The following CCDC63 variants were observed in gnomAD, a reference collection of about 807,000 sequenced individuals.
CCDC63 encodes coiled-coil domain-containing protein 63.
In CCDC63, 54 loss-of-function variants were observed where a neutral mutation model predicts 63.6. The ratio of observed to expected loss-of-function variants is 0.85; its 90% CI spans 0.68 to 1.07. The LOEUF (loss-of-function observed/expected upper bound fraction) is 1.07, where lower values mean the gene tolerates loss of function less well. Among genes scored for constraint, CCDC63 ranks in the 50% least tolerant of loss-of-function variants. The pLI, the probability that CCDC63 is intolerant of heterozygous loss-of-function variation, is 0.00. For missense variants in CCDC63, 637 were observed against 689.6 expected (o/e 0.92, Z 0.86); for synonymous variants, 253 against 266.1 (o/e 0.95, Z 0.48).
At chr12:110,884,301 C>T (rs755565774) in intron 8 of CCDC63, 51 bp downstream of exon 8, 23 of 1,481,890 alleles carry the variant, frequency 1.6e-5, no homozygotes, top group Non-Finnish European at 2.2e-5. Context: ...TCCACAGCAG[C>T]CTTTCCAGGG....
chr12:110,862,393 C>T (rs2070866988), intron 4 of CCDC63, among the ~76,000 whole-genome samples: 1 of 152,252 alleles, frequency 6.6e-6, no homozygotes, highest in African/African-American at 2.4e-5. Flanking sequence ...CCCTACCTGG[C>T]CTTCCTCGCA....
intron 1 of CCDC63, among the ~76,000 whole-genome samples, chr12:110,847,747 C>T (rs145307882): frequency 9.3e-4 from 142 of 152,304 alleles, no homozygotes; most frequent in Non-Finnish European, 1.7e-3. Context: ...GTTGTGCAGC[C>T]CTGGCTCAAT....
At chr12:110,860,648 G>A (rs6490252) in intron 4 of CCDC63, among the ~76,000 whole-genome samples, 13,572 of 151,926 alleles carry the variant, frequency 0.089, 898 homozygotes, top group African/African-American at 0.19. Context: ...GGAGTGTAGC[G>A]GCATGATCTT....
chr12:110,860,611 CAG>C (rs141598895), intron 4 of CCDC63, among the ~76,000 whole-genome samples: 3,568 of 152,194 alleles, frequency 0.023, 57 homozygotes, highest in African/African-American at 0.043. Context: ...ATTTTTGAGA[CAG>C]AGTTTCACTC....
At chr12:110,886,612 G>A (rs891072132) in intron 8 of CCDC63, among the ~76,000 whole-genome samples, 6 of 152,088 alleles carry the variant, frequency 3.9e-5, no homozygotes, top group Admixed American at 3.9e-4. Context: ...AATTAGGGAC[G>A]GGCCCAGGGG....
At chr12:110,856,157 C>A (rs1190251243) in intron 3 of CCDC63, among the ~76,000 whole-genome samples, 1 of 147,362 alleles carries the variant, frequency 6.8e-6, no homozygotes, top group African/African-American at 2.5e-5. Flanking sequence ...GCAAATTTGG[C>A]TCACTGCAAC....
At chr12:110,855,835 C>A (rs2070763179) in intron 3 of CCDC63, among the ~76,000 whole-genome samples, 1 of 152,164 alleles carries the variant, frequency 6.6e-6, no homozygotes, top group South Asian at 2.1e-4. Flanking sequence ...CCCGCCTCGG[C>A]CTCCCAAAGT....
intron 3 of CCDC63, among the ~76,000 whole-genome samples, chr12:110,854,424 A>G (rs1279174164): frequency 6.6e-6 from 1 of 151,180 alleles, no homozygotes; most frequent in Non-Finnish European, 1.5e-5. Context: ...CTTCCTGAGT[A>G]GCTGGGATTA....
At chr12:110,851,616 CA>C (rs906222875) in intron 1 of CCDC63, among the ~76,000 whole-genome samples, 7 of 152,136 alleles carry the variant, frequency 4.6e-5, no homozygotes, top group African/African-American at 1.7e-4. Flanking sequence ...GGTCAGCCCC[CA>C]GGAGTGCAGG....
chr12:110,852,621 C>T (rs1342291164), intron 1 of CCDC63, among the ~76,000 whole-genome samples: 2 of 152,106 alleles, frequency 1.3e-5, no homozygotes, highest in East Asian at 3.9e-4. Context: ...ACTGACACGC[C>T]AGAACCATCT....
intron 8 of CCDC63, among the ~76,000 whole-genome samples, chr12:110,888,885 C>CT (rs1435741242): frequency 7.7e-6 from 1 of 129,982 alleles, no homozygotes; most frequent in East Asian, 2.3e-4. Context: ...TTTCTTTCTT[C>CT]TTTTTTTGCA....
intron 4 of CCDC63, among the ~76,000 whole-genome samples, chr12:110,862,142 TA>T (rs1301298582): frequency 1.3e-5 from 2 of 152,022 alleles, no homozygotes; most frequent in Non-Finnish European, 2.9e-5. Flanking sequence ...AAGGAGGCAA[TA>T]AAGGGAATAA....
chr12:110,867,201 G>C (rs1376610301), intron 4 of CCDC63, among the ~76,000 whole-genome samples: 1 of 134,232 alleles, frequency 7.4e-6, no homozygotes, highest in East Asian at 2.3e-4. Flanking sequence ...CCTCCCGGAC[G>C]GGGCGGCTGG....
intron 3 of CCDC63, among the ~76,000 whole-genome samples, chr12:110,854,012 C>T (rs115819698): frequency 0.016 from 2,432 of 152,184 alleles, 72 homozygotes; most frequent in African/African-American, 0.054. Flanking sequence ...TCCTGGGAGA[C>T]GGAGACTCTG....
At chr12:110,853,088 G>A in intron 2 of CCDC63, 125 bp downstream of exon 2, 1 of 1,059,010 alleles carries the variant, frequency 9.4e-7, no homozygotes. Context: ...TTGTAGGTGG[G>A]AGGCTGGAGG....
At chr12:110,906,285 G>A (rs1286230750) in intron 11 of CCDC63, among the ~76,000 whole-genome samples, 1 of 140,650 alleles carries the variant, frequency 7.1e-6, no homozygotes, top group African/African-American at 2.7e-5. Flanking sequence ...GGGGGAGGGA[G>A]AGGGAGAGAG....
chr12:110,899,675 C>A (rs1173037721), intron 10 of CCDC63, among the ~76,000 whole-genome samples: 1 of 150,472 alleles, frequency 6.6e-6, no homozygotes, highest in Non-Finnish European at 1.5e-5. Context: ...AAAAATGGGT[C>A]TCTTTTAATG....
intron 8 of CCDC63, among the ~76,000 whole-genome samples, chr12:110,888,842 CTT>C (rs754951257): frequency 0.18 from 20,267 of 114,368 alleles, 2,059 homozygotes; most frequent in Non-Finnish European, 0.22. Flanking sequence ...TCCTTCCTTC[CTT>C]CCTTCCTTCC....
At chr12:110,866,927 G>A (rs2070959277) in intron 4 of CCDC63, among the ~76,000 whole-genome samples, 1 of 146,432 alleles carries the variant, frequency 6.8e-6, no homozygotes, top group Non-Finnish European at 1.5e-5. Context: ...TCCGGGACGG[G>A]GCGGCTGGCC....
Sources: gnomAD v4.1 joint callset for allele counts (sites outside exome capture counted in the v4.1 genomes callset) on GRCh38, gnomAD v4.1.1 for gene constraint, MANE v1.5 for transcripts, NCBI Gene and HGNC (gene_info 2026-07-23, HGNC 2026-07-21) for gene names.